Variants in CTNND2 observed in about 807,000 individuals in gnomAD.
CTNND2 encodes the protein catenin delta 2.
In CTNND2, 22 loss-of-function variants were observed where a neutral mutation model predicts 144.4. That is an observed-to-expected ratio of 0.15 (90% CI 0.11 to 0.22). CTNND2 has a LOEUF of 0.22. Ranked by LOEUF, CTNND2 falls within the 10% of genes least tolerant of loss-of-function variation. The pLI is 1.00. For missense variants in CTNND2, 1,353 were observed against 1,618.8 expected (o/e 0.84, Z 2.82); for synonymous variants, 751 against 695.6 (o/e 1.08, Z -1.25).
At chr5:11,581,584 A>C (rs1376497795) in intron 2 of CTNND2, among the ~76,000 whole-genome samples, 1 of 152,196 alleles carries the variant, frequency 6.6e-6, no homozygotes, top group Non-Finnish European at 1.5e-5. Flanking sequence ...CTGTGATGTC[A>C]ACGTTATCTT....
chr5:11,340,018 T>G (rs888359771), intron 9 of CTNND2, among the ~76,000 whole-genome samples: 4 of 152,198 alleles, frequency 2.6e-5, no homozygotes, highest in African/African-American at 4.8e-5. Flanking sequence ...TTTGGGTGGG[T>G]GGACAGGGCA....
chr5:11,152,820 A>C (rs1757862994), intron 12 of CTNND2, among the ~76,000 whole-genome samples: 1 of 152,198 alleles, frequency 6.6e-6, no homozygotes, highest in African/African-American at 2.4e-5. Context: ...TTTACTAGAC[A>C]CACTGATCAG....
chr5:11,034,211 A>C (rs4318746), intron 16 of CTNND2, among the ~76,000 whole-genome samples: 18,010 of 152,268 alleles, frequency 0.12, 1,995 homozygotes, highest in East Asian at 0.56. Flanking sequence ...ATAAAAGATT[A>C]GGTTTGTTTC....
At chr5:11,876,843 A>G (rs1165466103) in intron 1 of CTNND2, among the ~76,000 whole-genome samples, 1 of 152,212 alleles carries the variant, frequency 6.6e-6, no homozygotes, top group African/African-American at 2.4e-5. Flanking sequence ...TTATAAATCA[A>G]ACATGAAAGA....
intron 2 of CTNND2, among the ~76,000 whole-genome samples, chr5:11,644,912 A>C (rs1782268810): frequency 6.6e-6 from 1 of 152,156 alleles, no homozygotes; most frequent in Non-Finnish European, 1.5e-5. Context: ...GATGGCAAAA[A>C]AGCAGATGTA....
At chr5:11,881,749 T>C (rs1033452697) in intron 1 of CTNND2, among the ~76,000 whole-genome samples, 19 of 152,102 alleles carry the variant, frequency 1.2e-4, no homozygotes, top group African/African-American at 4.3e-4. Flanking sequence ...TTCCTTTGTA[T>C]AGATACTCAA....
At chr5:11,278,122 C>A (rs1482415921) in intron 9 of CTNND2, among the ~76,000 whole-genome samples, 4 of 152,132 alleles carry the variant, frequency 2.6e-5, no homozygotes, top group African/African-American at 9.7e-5. Context: ...AAACTCTGTT[C>A]TCCTCGTCCC....
At chr5:11,513,353 T>C (rs1771837769) in intron 3 of CTNND2, among the ~76,000 whole-genome samples, 1 of 152,200 alleles carries the variant, frequency 6.6e-6, no homozygotes, top group Admixed American at 6.5e-5. Flanking sequence ...TAAACAATGT[T>C]GTCCTTGACA....
At chr5:11,244,444 C>T (rs1742786116) in intron 9 of CTNND2, among the ~76,000 whole-genome samples, 1 of 152,074 alleles carries the variant, frequency 6.6e-6, no homozygotes, top group Non-Finnish European at 1.5e-5. Flanking sequence ...ACCACCACAC[C>T]TGGCTAATTT....
At chr5:11,197,888 T>C (rs1314257621) in intron 11 of CTNND2, among the ~76,000 whole-genome samples, 1 of 152,242 alleles carries the variant, frequency 6.6e-6, no homozygotes, top group Non-Finnish European at 1.5e-5. Flanking sequence ...ATGAATTTTG[T>C]ATTGGAGCAA....
At chr5:11,884,829 G>A (rs1052800820) in intron 1 of CTNND2, among the ~76,000 whole-genome samples, 22 of 152,100 alleles carry the variant, frequency 1.4e-4, no homozygotes, top group Non-Finnish European at 3.2e-4. Context: ...TTTGAGGCAC[G>A]TTCCTTCTAT....
At chr5:11,893,250 G>A (rs1050212976) in intron 1 of CTNND2, among the ~76,000 whole-genome samples, 1 of 152,206 alleles carries the variant, frequency 6.6e-6, no homozygotes, top group Non-Finnish European at 1.5e-5. Flanking sequence ...TCAGAGATGT[G>A]ATGGAATTAA....
At chr5:11,410,653 T>G (rs1484108633) in intron 5 of CTNND2, among the ~76,000 whole-genome samples, 1 of 152,100 alleles carries the variant, frequency 6.6e-6, no homozygotes, top group Admixed American at 6.5e-5. Flanking sequence ...AAATACGTCA[T>G]TAAATGGAGA....
intron 3 of CTNND2, among the ~76,000 whole-genome samples, chr5:11,523,867 G>A (rs1017996811): frequency 1.3e-5 from 2 of 152,108 alleles, no homozygotes; most frequent in African/African-American, 2.4e-5. Flanking sequence ...GCTGTGAAGC[G>A]GGTGCAGGGG....
chr5:11,714,708 T>C (rs1028062094), intron 2 of CTNND2, among the ~76,000 whole-genome samples: 7 of 151,812 alleles, frequency 4.6e-5, no homozygotes, highest in Non-Finnish European at 1.0e-4. Flanking sequence ...AGATCGAGAC[T>C]ATCCTGGCTA....
At chr5:11,543,746 A>G (rs1308335691) in intron 3 of CTNND2, among the ~76,000 whole-genome samples, 1 of 152,178 alleles carries the variant, frequency 6.6e-6, no homozygotes, top group Non-Finnish European at 1.5e-5. Flanking sequence ...GCATTTCAAA[A>G]CAGAAGAGTC....
chr5:11,265,077 C>T (rs1306471306), intron 9 of CTNND2, among the ~76,000 whole-genome samples: 1 of 151,918 alleles, frequency 6.6e-6, no homozygotes, highest in Non-Finnish European at 1.5e-5. Flanking sequence ...TATTTTAGAA[C>T]TATATTATCT....
chr5:11,661,626 T>A (rs192540868), intron 2 of CTNND2, among the ~76,000 whole-genome samples: 138 of 151,710 alleles, frequency 9.1e-4, no homozygotes, highest in African/African-American at 2.8e-3. Flanking sequence ...TACAGATCTT[T>A]AAAAAAAAAT....
intron 8 of CTNND2, among the ~76,000 whole-genome samples, chr5:11,364,222 G>C (rs182873128): frequency 3.3e-5 from 5 of 152,238 alleles, no homozygotes; most frequent in Non-Finnish European, 1.5e-5. Flanking sequence ...CAATCTATTA[G>C]TGTATATGAA....
Sources: gnomAD v4.1 joint callset for allele counts (sites outside exome capture counted in the v4.1 genomes callset) on GRCh38, gnomAD v4.1.1 for gene constraint, MANE v1.5 for transcripts, NCBI Gene and HGNC (gene_info 2026-07-23, HGNC 2026-07-21) for gene names.